Variants in ERC2 observed in about 807,000 individuals in gnomAD.
The protein encoded by ERC2 is ERC protein 2.
Under a neutral mutation model 114.8 loss-of-function variants are expected in ERC2, and 42 were observed. The observed-to-expected ratio is 0.37, with a 90% CI of 0.29 to 0.47. The LOEUF is 0.47. Ranked by LOEUF, ERC2 falls within the 20% of genes least tolerant of loss-of-function variation. The pLI, the probability that ERC2 is intolerant of heterozygous loss-of-function variation, is 0.99. For synonymous variants in ERC2, 454 were observed against 425.5 expected, an observed-to-expected ratio of 1.07 and a Z score of -0.82; for missense variants, 939 against 1,150.7, an observed-to-expected ratio of 0.82 and a Z score of 2.66.
chr3:55,951,642 CG>C (rs1200854083), intron 12 of ERC2, among the ~76,000 whole-genome samples: 1 of 152,030 alleles, frequency 6.6e-6, no homozygotes, highest in Non-Finnish European at 1.5e-5. Context: ...ACGGAGGGCT[CG>C]GGAGCATTGA....
At chr3:55,849,354 T>C (rs7631779) in intron 14 of ERC2, among the ~76,000 whole-genome samples, 12,809 of 152,222 alleles carry the variant, frequency 0.084, 822 homozygotes, top group African/African-American at 0.18. Context: ...TTCCCAGGTT[T>C]TAAAATGTCT....
chr3:55,577,430 C>T (rs959121789), intron 17 of ERC2, among the ~76,000 whole-genome samples: 2 of 152,116 alleles, frequency 1.3e-5, no homozygotes, highest in Non-Finnish European at 2.9e-5. Flanking sequence ...TTGTGATTCC[C>T]GAGGCACTTG....
At chr3:55,703,544 C>T (rs2063336026) in intron 15 of ERC2, among the ~76,000 whole-genome samples, 1 of 152,226 alleles carries the variant, frequency 6.6e-6, no homozygotes, top group African/African-American at 2.4e-5. Context: ...TAACTAACTG[C>T]AGGTTCACTT....
At chr3:56,379,112 T>C (rs2059654688) in intron 2 of ERC2, among the ~76,000 whole-genome samples, 1 of 152,234 alleles carries the variant, frequency 6.6e-6, no homozygotes, top group South Asian at 2.1e-4. Flanking sequence ...AAATCCCATG[T>C]GTATGTCATA....
At chr3:56,406,809 T>C (rs188675744) in intron 2 of ERC2, among the ~76,000 whole-genome samples, 108 of 152,320 alleles carry the variant, frequency 7.1e-4, no homozygotes, top group African/African-American at 2.5e-3. Context: ...AATTTTGTTA[T>C]ACAGACCAAG....
At chr3:55,853,454 G>C (rs756301201) in intron 14 of ERC2, among the ~76,000 whole-genome samples, 2 of 152,106 alleles carry the variant, frequency 1.3e-5, no homozygotes, top group African/African-American at 4.8e-5. Flanking sequence ...GAGCCCAGGA[G>C]GTTGAGGCTG....
At chr3:56,024,717 A>T (rs1233571125) in intron 7 of ERC2, among the ~76,000 whole-genome samples, 1 of 152,232 alleles carries the variant, frequency 6.6e-6, no homozygotes, top group African/African-American at 2.4e-5. Context: ...TATGACCCAT[A>T]TCCACAGCAC....
In ERC2 at chr3:56,458,079, G is replaced by A. The variant is rs555531306; in HGVS notation, c.-141+10169C>T. Among the ~76,000 whole-genome samples the A allele has an allele frequency of 2.3e-4, 35 of 152,276 alleles. 1 individual carries two copies. The highest frequency in any genetic ancestry group is 8.4e-4 in the African/African-American group (35 of 41,552). On this transcript the variant is annotated intron_variant, in intron 1 of 17. Coordinates refer to ENST00000288221, the MANE Select transcript of ERC2 (RefSeq NM_015576.3). ...CCAGAAGAAGACTGGCACAAAGCAAGCATACACTTTTACGACGACTACATA... is the reference window on the plus strand; with the variant it reads ...CCAGAAGAAGACTGGCACAAAGCAAACATACACTTTTACGACGACTACATA...
chr3:56,455,666 T>C (rs1363599187), intron 1 of ERC2, among the ~76,000 whole-genome samples: 4 of 152,266 alleles, frequency 2.6e-5, no homozygotes, highest in Non-Finnish European at 5.9e-5. Context: ...GCACAGTGCC[T>C]GACTCATAGT....
At chr3:56,056,960 G>T (rs2076043622) in intron 7 of ERC2, among the ~76,000 whole-genome samples, 1 of 151,942 alleles carries the variant, frequency 6.6e-6, no homozygotes, top group Admixed American at 6.6e-5. Context: ...TACAGATATG[G>T]GGGCAACTAA....
intron 17 of ERC2, among the ~76,000 whole-genome samples, chr3:55,642,309 A>G (rs1347643131): frequency 1.3e-5 from 2 of 148,914 alleles, no homozygotes; most frequent in Non-Finnish European, 3.0e-5. Flanking sequence ...CGCTTTCCAC[A>G]GATCACAGCT....
chr3:56,037,576 AT>A (rs1176403345), intron 7 of ERC2, among the ~76,000 whole-genome samples: 1 of 152,226 alleles, frequency 6.6e-6, no homozygotes, highest in East Asian at 1.9e-4. Flanking sequence ...CTTATGACTG[AT>A]TGGGGTACCT....
At chr3:56,270,851 G>A (rs1379356135) in intron 3 of ERC2, among the ~76,000 whole-genome samples, 2 of 152,204 alleles carry the variant, frequency 1.3e-5, no homozygotes, top group East Asian at 1.9e-4. Context: ...GTGTGGTGGC[G>A]GGTGCCCGTA....
chr3:55,656,794 A>G (rs951993867), intron 17 of ERC2, among the ~76,000 whole-genome samples: 1 of 149,260 alleles, frequency 6.7e-6, no homozygotes, highest in Non-Finnish European at 1.5e-5. Context: ...GGAATGTCCA[A>G]CTGTGGCAAG....
chr3:56,458,735 C>T (rs145276268), intron 1 of ERC2, among the ~76,000 whole-genome samples: 5 of 151,572 alleles, frequency 3.3e-5, no homozygotes, highest in East Asian at 3.9e-4. Flanking sequence ...GGTCAAAATG[C>T]GAAACAAAGA....
chr3:56,076,688 T>C (rs2076993394), intron 7 of ERC2, among the ~76,000 whole-genome samples: 1 of 152,214 alleles, frequency 6.6e-6, no homozygotes. Flanking sequence ...AAATCCACTC[T>C]AGATGATCTC....
At chr3:55,846,396 A>G (rs2061363358) in intron 14 of ERC2, among the ~76,000 whole-genome samples, 1 of 152,146 alleles carries the variant, frequency 6.6e-6, no homozygotes. Flanking sequence ...CCAGTCTACC[A>G]CTGATGGGCA....
intron 16 of ERC2, among the ~76,000 whole-genome samples, chr3:55,690,834 G>A (rs1050209380): frequency 2.0e-5 from 3 of 152,208 alleles, no homozygotes; most frequent in Admixed American, 6.5e-5. Context: ...CACATGCAGG[G>A]AATTAGCATC....
intron 14 of ERC2, among the ~76,000 whole-genome samples, chr3:55,832,885 A>G (rs963248167): frequency 5.9e-5 from 9 of 152,190 alleles, no homozygotes; most frequent in African/African-American, 1.9e-4. Flanking sequence ...ATGTATAACT[A>G]GAATAACCAA....
Sources: gnomAD v4.1 joint callset for allele counts (sites outside exome capture counted in the v4.1 genomes callset) on GRCh38, gnomAD v4.1.1 for gene constraint, MANE v1.5 for transcripts, NCBI Gene and HGNC (gene_info 2026-07-23, HGNC 2026-07-21) for gene names.